Variants in IL1RL1 observed in about 807,000 individuals in gnomAD.
The protein encoded by IL1RL1 is interleukin-1 receptor-like 1.
IL1RL1 carries 32 observed loss-of-function variants against 50.9 expected under a neutral mutation model. The observed-to-expected ratio is 0.63, with a 90% CI of 0.47 to 0.84. The LOEUF (loss-of-function observed/expected upper bound fraction) is 0.84. Among genes scored for constraint, IL1RL1 ranks in the 40% least tolerant of loss-of-function variants. IL1RL1 has a pLI of 0.00. For missense variants in IL1RL1, 773 were observed against 662.9 expected (o/e 1.17, Z -1.82); for synonymous variants, 275 against 236.0 (o/e 1.17, Z -1.51).
Position 102,349,216 on chromosome 2 carries a change from A to G in IL1RL1, c.1255A>G (p.Ile419Val), listed in dbSNP as rs201555383. 1.5e-4 allele frequency: 236 copies of G among 1,613,834 alleles called. No individual in the cohort carries two copies. The highest frequency in any genetic ancestry group is 1.9e-4 in the Non-Finnish European group (226 of 1,179,838). Residue 419 changes from isoleucine (I) to valine (V), a missense_variant, in exon 10 of 11, where the codon ATT becomes GTT. Ile to Val is a conservative substitution (Grantham distance 29). Coordinates refer to ENST00000233954, the MANE Select transcript of IL1RL1 (RefSeq NM_016232.5). Reference protein sequence around the residue: ...LENKCGYTLCIYGRDMLPGED... With the variant: ...LENKCGYTLCVYGRDMLPGED... ...AAATAAATGTGGCTATACCTTATGC[A>G]TTTATGGGAGAGATATGCTACCTGG...
chr2:102,331,904 C>A (rs531232077), intron 1 of IL1RL1, among the ~76,000 whole-genome samples: 1 of 151,694 alleles, frequency 6.6e-6, no homozygotes, highest in Non-Finnish European at 1.5e-5. Flanking sequence ...CCCATCTCTA[C>A]GAAAAATACA....
chr2:102,352,068 C>A (rs79791894), downstream of IL1RL1: 2,720 of 825,830 alleles, frequency 3.3e-3, 77 homozygotes, highest in African/African-American at 0.042. Flanking sequence ...CCTTCCATTT[C>A]CCTGCTTCTG....
chr2:102,351,811 A>T lies in IL1RL1; in HGVS notation c.1561A>T (p.Arg521Trp), dbSNP rs751503865. Reference protein sequence around the residue: ...KWREDHIANKRSLNSKFWKHV... With the variant: ...KWREDHIANKWSLNSKFWKHV... ...GAGGGAGGACCACATTGCCAATAAA[A>T]GGTCCCTGAATTCTAAATTCTGGAA... Residue 521 changes from arginine (R) to tryptophan (W), a missense_variant, in exon 11 of 11, where the codon AGG (arginine) becomes TGG (tryptophan). Physicochemically the swap from Arg to Trp is moderately radical, Grantham distance 101. Transcript: ENST00000233954. The T allele has an allele frequency of 4.3e-6, 7 of 1,614,064 alleles. No homozygotes were observed. In the Admixed American group the frequency reaches 6.7e-5, roughly 15 times the overall value.
At chr2:102,319,229 G>A (rs547304863) in intron 1 of IL1RL1, among the ~76,000 whole-genome samples, 1 of 151,988 alleles carries the variant, frequency 6.6e-6, no homozygotes, top group African/African-American at 2.4e-5. Flanking sequence ...ACTGTCCATA[G>A]AACACATTTT....
intron 1 of IL1RL1, chr2:102,337,313 T>G (rs1227316348): frequency 6.6e-6 from 1 of 152,268 alleles, no homozygotes; most frequent in Non-Finnish European, 1.5e-5. Flanking sequence ...GACTCCAAGT[T>G]CATCCCCTCT....
At chr2:102,350,118 A>C (rs937145057) in intron 10 of IL1RL1, among the ~76,000 whole-genome samples, 12 of 68,014 alleles carry the variant, frequency 1.8e-4, no homozygotes, top group African/African-American at 1.4e-3. Flanking sequence ...AATTTAGGAG[A>C]ATCTAATGCA....
chr2:102,344,876 C>G, intron 8 of IL1RL1: 1 of 970,938 alleles, frequency 1.0e-6, no homozygotes, highest in Non-Finnish European at 1.2e-6. Context: ...TGCTTCCCTA[C>G]AGTTTTTTCT....
rs756672386 is a variant in IL1RL1 at position 102,343,319 on chromosome 2, G to T, written c.874G>T (p.Val292Leu). Reference protein sequence around the residue: ...CLDMVLRIADVKEEDLLLQYD... With the variant: ...CLDMVLRIADLKEEDLLLQYD... ...AGACATGGTTTTAAGAATAGCTGAC[G>T]TGAAGGAAGAGGATTTATTGCTGCA... Residue 292 changes from valine (V) to leucine (L), a missense_variant, in exon 8 of 11, where the codon GTG becomes TTG. Val to Leu is a conservative substitution (Grantham distance 32, BLOSUM62 1). Transcript: ENST00000233954. 6.2e-7 allele frequency: 1 copy of T among 1,614,096 alleles called. No homozygotes were observed. The highest frequency in any genetic ancestry group is 1.3e-5 in the African/African-American group (1 of 74,940).
intron 8 of IL1RL1, 22 bp from the exon 9 acceptor site, chr2:102,347,923 T>A: frequency 7.3e-7 from 1 of 1,365,618 alleles, no homozygotes; most frequent in East Asian, 2.3e-5. Context: ...GTAATAATAA[T>A]CTTTTTCTTT....
Position 102,351,902 on chromosome 2 carries a change from T to G in IL1RL1, c.1652T>G (p.Leu551Trp), listed in dbSNP as rs10206753. The change falls in exon 11 of 11, where the codon TTG (leucine) becomes TGG (tryptophan). Residue 551 changes from leucine (L) to tryptophan (W), a missense_variant. Transcript: ENST00000233954. The part of the protein sequence containing the change: ...IPRKASSLTP[L>W]AAQKQ ...AGAAAGGCCTCTAGTTTGACTCCCTTGGCTGCCCAGAAGCAATAGTGCCTG... is the reference window on the plus strand; with the variant it reads ...AGAAAGGCCTCTAGTTTGACTCCCTGGGCTGCCCAGAAGCAATAGTGCCTG... 1 of 1,610,946 alleles carries G rather than the reference T, an allele frequency of 6.2e-7. No homozygotes were observed. The highest frequency in any genetic ancestry group is 1.3e-5 in the African/African-American group (1 of 74,768).
chr2:102,312,605 G>A (rs1676550768), intron 1 of IL1RL1, among the ~76,000 whole-genome samples: 1 of 152,106 alleles, frequency 6.6e-6, no homozygotes, highest in Non-Finnish European at 1.5e-5. Flanking sequence ...CTGGCCAAAA[G>A]GGGTGAGGAA....
intron 1 of IL1RL1, among the ~76,000 whole-genome samples, chr2:102,334,980 A>C (rs1020058103): frequency 7.9e-5 from 12 of 152,302 alleles, no homozygotes; most frequent in African/African-American, 2.9e-4. Context: ...AACTGTAACA[A>C]AATTAAGAAA....
At chr2:102,345,707 CA>C (rs1377989370) in intron 8 of IL1RL1, 11 of 985,372 alleles carry the variant, frequency 1.1e-5, no homozygotes, top group Non-Finnish European at 1.3e-5. Flanking sequence ...ATAAAATAAA[CA>C]GAATCATAAC....
intron 3 of IL1RL1, chr2:102,339,577 A>G (rs1677462202): frequency 6.4e-6 from 1 of 155,736 alleles, no homozygotes; most frequent in Non-Finnish European, 1.4e-5. Flanking sequence ...AGCAGGATGT[A>G]TTAGTTAAGG....
Position 102,335,100 on chromosome 2 carries a change from A to C in IL1RL1, c.-149-3016A>C, listed in dbSNP as rs1677277749. The stretch of plus-strand genomic sequence containing the variant: ...GCCAGAGAAACAAGCGGACACTGGA[A>C]GATTTCTGATTAAGTTGGCAGAAAT... On this transcript the variant is annotated intron_variant, in intron 1 of 10. Transcript: ENST00000233954. Among the ~76,000 whole-genome samples the C allele has an allele frequency of 2.0e-5, 3 of 152,292 alleles. 1 individual carries two copies. Among genetic ancestry groups the C allele is most frequent in the Middle Eastern group, 3.4e-3 (1 of 294 alleles).
chr2:102,330,524 ATTG>A (rs1677147631), intron 1 of IL1RL1, among the ~76,000 whole-genome samples: 1 of 152,194 alleles, frequency 6.6e-6, no homozygotes, highest in Non-Finnish European at 1.5e-5. Flanking sequence ...TGTGATTTTA[ATTG>A]TTTACATTTA....
At position 102,352,034 on chromosome 2, in the gene IL1RL1, C is replaced by A. The variant is rs947798702; in HGVS notation, c.*113C>A. 5 of 1,098,232 alleles carry A rather than the reference C, an allele frequency of 4.6e-6. No homozygotes were observed. Among genetic ancestry groups the A allele is most frequent in the Non-Finnish European group, 5.2e-6 (4 of 772,858 alleles). 68.0% of individuals were successfully genotyped at this position (1,098,232 alleles called of 1,614,324 possible). A position where few individuals can be genotyped will look rare whatever the true frequency, so the allele number is the denominator to read the frequency against. ...AGCAGGAATATTAAAGGGATTCAGG[C>A]CTCAGGTTTCATCTGGTAACTTTCC... On this transcript the variant is annotated 3_prime_UTR_variant, in exon 11 of 11. Transcript: ENST00000233954.
At chr2:102,344,064 T>G in intron 8 of IL1RL1, 1 of 265,166 alleles carries the variant, frequency 3.8e-6, no homozygotes, top group Non-Finnish European at 5.8e-6. Context: ...GGCATCTGCT[T>G]CTGGGGACAC....
intron 8 of IL1RL1, chr2:102,345,727 A>T (rs900482325): frequency 1.0e-5 from 10 of 985,350 alleles, no homozygotes; most frequent in Non-Finnish European, 1.2e-5. Context: ...ACTCATGTAG[A>T]TGGCTATAAG....
Sources: gnomAD v4.1 joint callset for allele counts (sites outside exome capture counted in the v4.1 genomes callset) on GRCh38, gnomAD v4.1.1 for gene constraint, MANE v1.5 for transcripts, NCBI Gene and HGNC (gene_info 2026-07-23, HGNC 2026-07-21) for gene names.